Variants in BAIAP2L1 observed in about 807,000 individuals in gnomAD.
BAIAP2L1 encodes BAR/IMD domain containing adaptor protein 2 like 1.
Under a neutral mutation model 66.3 loss-of-function variants are expected in BAIAP2L1, and 35 were observed. The observed-to-expected ratio is 0.53, with a 90% CI of 0.40 to 0.70. BAIAP2L1 has a LOEUF of 0.70. Ranked by LOEUF, BAIAP2L1 falls within the 30% of genes least tolerant of loss-of-function variation. The pLI is 0.00. For synonymous variants in BAIAP2L1, 269 were observed against 248.7 expected (o/e 1.08, Z -0.77); for missense variants, 622 against 656.9 (o/e 0.95, Z 0.58).
At chr7:98,321,128 G>C (rs1801231781) in intron 3 of BAIAP2L1, among the ~76,000 whole-genome samples, 2 of 152,138 alleles carry the variant, frequency 1.3e-5, no homozygotes, top group South Asian at 2.1e-4. Flanking sequence ...CAAAGTGCTG[G>C]GATGACAGGT....
At position 98,393,080 on chromosome 7, in the gene BAIAP2L1, CACATATAT is replaced by C. The variant is rs1433926987; in HGVS notation, c.51+7714_51+7721del. On this transcript the variant is annotated intron_variant, in intron 1 of 13. Transcript: ENST00000005260. Reference sequence around the variant, plus strand: ...ATATGTACACATATATGTATACACACACATATATACATATATACGTGTACATATATGTA... The same window carrying C: ...ATATGTACACATATATGTATACACACACATATATACGTGTACATATATGTA... Among the ~76,000 whole-genome samples, 10 of 85,642 alleles carry C rather than the reference CACATATAT, an allele frequency of 1.2e-4. No homozygotes were observed. In the South Asian group the frequency reaches 1.3e-3, roughly 11 times the overall value. The allele number at this position is 85,642 out of a possible 152,430, so 56.2% of individuals were successfully genotyped here. A position where few individuals can be genotyped will look rare whatever the true frequency, so the allele number is the denominator to read the frequency against.
chr7:98,351,876 G>T (rs1394064798), intron 3 of BAIAP2L1, among the ~76,000 whole-genome samples: 1 of 152,202 alleles, frequency 6.6e-6, no homozygotes, highest in Admixed American at 6.5e-5. Context: ...TGGCACCGCT[G>T]TCACAGAGGC....
At chr7:98,380,514 G>C (rs1802729629) in intron 1 of BAIAP2L1, among the ~76,000 whole-genome samples, 1 of 151,920 alleles carries the variant, frequency 6.6e-6, no homozygotes, top group African/African-American at 2.4e-5. Context: ...CATAAGGACA[G>C]TATGGTGGAA....
chr7:98,340,380 CG>C (rs1354245904), intron 3 of BAIAP2L1, among the ~76,000 whole-genome samples: 2 of 152,152 alleles, frequency 1.3e-5, no homozygotes, highest in African/African-American at 4.8e-5. Context: ...CTCTGCCTCC[CG>C]GGTTCACGCC....
At chr7:98,350,845 C>T (rs540368631) in intron 3 of BAIAP2L1, among the ~76,000 whole-genome samples, 24 of 151,798 alleles carry the variant, frequency 1.6e-4, no homozygotes, top group African/African-American at 5.3e-4. Context: ...GGAAAAACAG[C>T]AATTATGAAG....
intron 1 of BAIAP2L1, among the ~76,000 whole-genome samples, chr7:98,399,827 G>A (rs1337547693): frequency 1.3e-5 from 2 of 152,136 alleles, no homozygotes; most frequent in Non-Finnish European, 2.9e-5. Context: ...ATTCCTTAAG[G>A]TTAGGTCAAT....
At position 98,307,689 on chromosome 7, in the gene BAIAP2L1, G is replaced by A. The variant is rs747446690; in HGVS notation, c.1163C>T (p.Ala388Val). Reference sequence around the variant, plus strand: ...CGGGGACCATCACGCCCAGACTTACGCCTTGGACACGTCGTGTTCTCCATA... The same window carrying A: ...CGGGGACCATCACGCCCAGACTTACACCTTGGACACGTCGTGTTCTCCATA... Reference protein sequence around the residue: ...WLYGEHDVSKARGWFPSSYTK... With the variant: ...WLYGEHDVSKVRGWFPSSYTK... The change falls in exon 10 of 14, where the codon GCG (alanine) becomes GTG (valine). Residue 388 changes from alanine to valine, a missense_variant and splice_region_variant. Coordinates refer to ENST00000005260, the MANE Select transcript of BAIAP2L1 (RefSeq NM_018842.5). 11 of 1,613,674 alleles carry A rather than the reference G, an allele frequency of 6.8e-6. No homozygotes were observed. Among genetic ancestry groups the A allele is most frequent in the Middle Eastern group, 1.7e-4 (1 of 5,796 alleles).
At chr7:98,396,682 G>T (rs1803216623) in intron 1 of BAIAP2L1, among the ~76,000 whole-genome samples, 1 of 152,182 alleles carries the variant, frequency 6.6e-6, no homozygotes, top group African/African-American at 2.4e-5. Flanking sequence ...CAGCTACTCG[G>T]GAGGCTGAGG....
chr7:98,311,522 C>A (rs1800868091), intron 8 of BAIAP2L1, among the ~76,000 whole-genome samples: 2 of 150,930 alleles, frequency 1.3e-5, no homozygotes, highest in African/African-American at 2.4e-5. Context: ...GCCTGAGTGA[C>A]AGAGCAAGAC....
chr7:98,374,815 G>A (rs1802582488), intron 1 of BAIAP2L1, among the ~76,000 whole-genome samples: 2 of 152,212 alleles, frequency 1.3e-5, no homozygotes, highest in Admixed American at 6.5e-5. Flanking sequence ...GCCAGGCATC[G>A]TGGCTAATGC....
intron 3 of BAIAP2L1, among the ~76,000 whole-genome samples, chr7:98,336,837 G>A (rs1801628108): frequency 6.6e-6 from 1 of 152,148 alleles, no homozygotes; most frequent in Admixed American, 6.6e-5. Flanking sequence ...TGAGTGCCGT[G>A]AGTTTTGTGG....
chr7:98,400,122 G>T (rs79354171), intron 1 of BAIAP2L1: 1,731 of 151,378 alleles, frequency 0.011, 39 homozygotes, highest in African/African-American at 0.04. Flanking sequence ...ATTCCAAGAA[G>T]TTGGGAGGAG....
At chr7:98,304,138 C>A in intron 12 of BAIAP2L1, 58 bp downstream of exon 12, 1 of 1,480,768 alleles carries the variant, frequency 6.8e-7, no homozygotes, top group Admixed American at 2.5e-5. Context: ...GGACCTGCGC[C>A]TCCCAGTCGG....
rs372861961 is a variant in BAIAP2L1, at chr7:98,320,316, T to C, written c.215-18A>G. 96 of 1,562,350 alleles carry C rather than the reference T, an allele frequency of 6.1e-5. No homozygotes were observed. Among genetic ancestry groups the C allele is most frequent in the South Asian group, 5.8e-4 (50 of 85,698 alleles). ...GACATGTCCTGGGAACAAAACCAGATATGTTAGCGGGAAGCCATTGCGTAT... is the reference window on the plus strand; with the variant it reads ...GACATGTCCTGGGAACAAAACCAGACATGTTAGCGGGAAGCCATTGCGTAT... On this transcript the variant is annotated intron_variant, in intron 3 of 13. Transcript: ENST00000005260.
chr7:98,347,875 G>A (rs1801909540), intron 3 of BAIAP2L1, among the ~76,000 whole-genome samples: 1 of 152,054 alleles, frequency 6.6e-6, no homozygotes, highest in Admixed American at 6.6e-5. Flanking sequence ...TCATTCTCAG[G>A]AAACTAACAC....
intron 3 of BAIAP2L1, among the ~76,000 whole-genome samples, chr7:98,335,274 C>T (rs1449781893): frequency 6.6e-6 from 1 of 151,906 alleles, no homozygotes; most frequent in African/African-American, 2.4e-5. Context: ...AAAAGATCAC[C>T]CTTTCCACTT....
chr7:98,295,132 G>A (rs1168414545), intron 12 of BAIAP2L1, among the ~76,000 whole-genome samples: 1 of 152,326 alleles, frequency 6.6e-6, no homozygotes, highest in Admixed American at 6.5e-5. Context: ...ACTTAGGGGA[G>A]GCCCTCTCAT....
intron 10 of BAIAP2L1, chr7:98,306,881 T>C (rs1800677958): frequency 4.5e-6 from 1 of 224,266 alleles, no homozygotes; most frequent in East Asian, 1.1e-4. Flanking sequence ...TAAAAAGCAA[T>C]ATATGTTGTA....
chr7:98,309,558 T>G (rs191488618), intron 9 of BAIAP2L1: 1 of 152,394 alleles, frequency 6.6e-6, no homozygotes, highest in East Asian at 1.9e-4. Flanking sequence ...TTTAGTTAAC[T>G]GACAGGACTT....
Sources: gnomAD v4.1 joint callset for allele counts (sites outside exome capture counted in the v4.1 genomes callset) on GRCh38, gnomAD v4.1.1 for gene constraint, MANE v1.5 for transcripts, NCBI Gene and HGNC (gene_info 2026-07-23, HGNC 2026-07-21) for gene names.